CNTN5: variants seen among roughly 807,000 people sequenced by gnomAD.
CNTN5 encodes the protein contactin 5.
A neutral mutation model predicts 129.1 loss-of-function variants in CNTN5; 77 were observed. The ratio of observed to expected loss-of-function variants is 0.60; its 90% confidence interval spans 0.50 to 0.72. CNTN5 has a LOEUF of 0.72. Among genes scored for constraint, CNTN5 ranks in the 30% least tolerant of loss-of-function variants. The pLI is 0.00. For synonymous variants in CNTN5, 509 were observed against 465.6 expected (o/e 1.09, Z -1.20); for missense variants, 1,478 against 1,328.8 (o/e 1.11, Z -1.75).
rs1417732458 is a variant in CNTN5, at chr11:99,382,845, C to CCTTTTTT, written c.-71+57361_-71+57362insCTTTTTT. On this transcript the variant is annotated intron_variant, in intron 2 of 24. Coordinates refer to ENST00000524871, the MANE Select transcript of CNTN5 (RefSeq NM_014361.4). Reference sequence around the variant, plus strand: ...ACATCTCACTAGTGTCTCTAAATAACTTTTTTTTTTTTTTTTTTTTTTTTT... The same window carrying CCTTTTTT: ...ACATCTCACTAGTGTCTCTAAATAACCTTTTTTTTTTTTTTTTTTTTTTTTTTTTTTT... 7.8e-5 allele frequency among the ~76,000 whole-genome samples: 6 copies of CCTTTTTT among 77,044 alleles called. No individual in the cohort carries two copies. The South Asian group carries it at 1.7e-3, about 22-fold the overall frequency. 50.5% of individuals were successfully genotyped at this position (77,044 alleles called of 152,430 possible).
At chr11:99,565,128 T>C (rs1948960920) in intron 3 of CNTN5, among the ~76,000 whole-genome samples, 1 of 152,158 alleles carries the variant, frequency 6.6e-6, no homozygotes, top group Non-Finnish European at 1.5e-5. Flanking sequence ...ACCCAAAATA[T>C]GATGCTTTGT....
chr11:99,970,684 C>A (rs571088669), intron 8 of CNTN5, among the ~76,000 whole-genome samples: 1 of 151,986 alleles, frequency 6.6e-6, no homozygotes, highest in African/African-American at 2.4e-5. Flanking sequence ...GGGGGAGGTG[C>A]GGGGGTATTG....
intron 18 of CNTN5, among the ~76,000 whole-genome samples, chr11:100,279,050 A>G (rs1330291696): frequency 3.3e-5 from 5 of 152,012 alleles, no homozygotes; most frequent in Non-Finnish European, 5.9e-5. Flanking sequence ...TTCAACATCA[A>G]TTGAAATGGT....
intron 2 of CNTN5, among the ~76,000 whole-genome samples, chr11:99,479,509 C>G (rs1194604217): frequency 6.6e-6 from 1 of 151,838 alleles, no homozygotes; most frequent in Non-Finnish European, 1.5e-5. Context: ...TTCTTGGGAA[C>G]AAATTTTGAA....
chr11:99,918,360 A>G (rs1290862667), intron 7 of CNTN5, among the ~76,000 whole-genome samples: 1 of 152,172 alleles, frequency 6.6e-6, no homozygotes, highest in Middle Eastern at 3.2e-3. Context: ...TACAAAACAA[A>G]TGAACAAAAA....
At chr11:99,098,209 G>T (rs1300997595) in intron 1 of CNTN5, among the ~76,000 whole-genome samples, 1 of 152,036 alleles carries the variant, frequency 6.6e-6, no homozygotes, top group Non-Finnish European at 1.5e-5. Context: ...GTCATAAAAA[G>T]ATATTTGTTG....
intron 1 of CNTN5, among the ~76,000 whole-genome samples, chr11:99,250,506 A>G (rs1427351445): frequency 1.3e-5 from 2 of 151,758 alleles, no homozygotes; most frequent in Non-Finnish European, 2.9e-5. Context: ...CACTCTAATG[A>G]AATCAGCTGT....
At chr11:99,799,488 T>C (rs1591205199) in intron 3 of CNTN5, among the ~76,000 whole-genome samples, 1 of 151,980 alleles carries the variant, frequency 6.6e-6, no homozygotes, top group Non-Finnish European at 1.5e-5. Context: ...ATGCTCTTCC[T>C]TGTCTTTTGA....
intron 13 of CNTN5, among the ~76,000 whole-genome samples, chr11:100,129,783 T>G (rs749458310): frequency 3.9e-5 from 6 of 152,078 alleles, no homozygotes; most frequent in Non-Finnish European, 7.4e-5. Context: ...TAATCACATG[T>G]GAAAGCTACA....
At chr11:99,208,507 G>T (rs1266301049) in intron 1 of CNTN5, among the ~76,000 whole-genome samples, 1 of 152,034 alleles carries the variant, frequency 6.6e-6, no homozygotes, top group East Asian at 1.9e-4. Flanking sequence ...TTACAAATCT[G>T]CAATCGATTT....
chr11:99,981,189 C>G (rs1183948000), intron 8 of CNTN5, among the ~76,000 whole-genome samples: 1 of 149,972 alleles, frequency 6.7e-6, no homozygotes, highest in Non-Finnish European at 1.5e-5. Flanking sequence ...CATGGCAAAC[C>G]ATCTGCAAGC....
At chr11:100,064,967 C>A (rs1943638667) in intron 10 of CNTN5, among the ~76,000 whole-genome samples, 1 of 152,108 alleles carries the variant, frequency 6.6e-6, no homozygotes, top group South Asian at 2.1e-4. Flanking sequence ...GATGTGTGAT[C>A]TGTGAGTTTA....
At chr11:99,259,658 A>G (rs1862538452) in intron 1 of CNTN5, among the ~76,000 whole-genome samples, 1 of 151,448 alleles carries the variant, frequency 6.6e-6, no homozygotes, top group South Asian at 2.1e-4. Flanking sequence ...GTTTAAAGGA[A>G]TGTGTGTGTG....
chr11:100,067,705 G>A (rs1032615200), intron 10 of CNTN5, among the ~76,000 whole-genome samples: 6 of 152,030 alleles, frequency 3.9e-5, no homozygotes, highest in Admixed American at 2.0e-4. Context: ...AGAATTCTTG[G>A]TAGAATGAAT....
chr11:100,265,825 A>G (rs1950290982), intron 17 of CNTN5, among the ~76,000 whole-genome samples: 1 of 152,164 alleles, frequency 6.6e-6, no homozygotes, highest in South Asian at 2.1e-4. Flanking sequence ...TCTCACTTGC[A>G]GACCTCTTTT....
chr11:99,153,537 A>AT (rs1416451060), intron 1 of CNTN5, among the ~76,000 whole-genome samples: 1 of 130,080 alleles, frequency 7.7e-6, no homozygotes, highest in Non-Finnish European at 1.7e-5. Flanking sequence ...CAGCTCCTGT[A>AT]TTGTTTTATT....
At chr11:100,204,343 T>TATATATATATATAA (rs1201876860) in intron 15 of CNTN5, among the ~76,000 whole-genome samples, 1 of 111,430 alleles carries the variant, frequency 9.0e-6, no homozygotes, top group African/African-American at 3.8e-5. Context: ...TATATATATA[T>TATATATATATATAA]AATTATAGGC....
Position 99,450,003 on chromosome 11 carries a change from C to T in CNTN5, c.-70-106142C>T, listed in dbSNP as rs141938089. Among the ~76,000 whole-genome samples the T allele has an allele frequency of 1.6e-3, 250 of 151,890 alleles. 6 individuals are homozygous for T. The East Asian group carries it at 0.04, about 24-fold the overall frequency. On this transcript the variant is annotated intron_variant, in intron 2 of 24. Coordinates refer to ENST00000524871, the MANE Select transcript of CNTN5 (RefSeq NM_014361.4). ...TAAAAACCCTTAATATTTTTTTGAT[C>T]GACAAACTGATGCACAGAAAAAGGT...
chr11:99,830,462 C>A (rs1947104743), intron 4 of CNTN5, among the ~76,000 whole-genome samples: 1 of 152,108 alleles, frequency 6.6e-6, no homozygotes, highest in Non-Finnish European at 1.5e-5. Context: ...CAATGGCATC[C>A]TGACTCAAAG....
Sources: allele counts gnomAD v4.1 joint callset (sites outside exome capture counted in the v4.1 genomes callset), GRCh38; gene constraint gnomAD v4.1.1; transcripts MANE v1.5; gene names NCBI Gene and HGNC (gene_info 2026-07-23, HGNC 2026-07-21).